Variants in LYST observed in about 807,000 individuals in gnomAD.
LYST encodes lysosomal-trafficking regulator.
LYST carries 192 observed loss-of-function variants against 413.6 expected under a neutral mutation model. That is an observed-to-expected ratio of 0.46 (90% CI 0.41 to 0.52). LYST has a LOEUF of 0.52. Ranked by LOEUF, LYST falls within the 20% of genes least tolerant of loss-of-function variation. LYST has a pLI of 0.00. For synonymous variants in LYST, 1,525 were observed against 1,567.3 expected, an observed-to-expected ratio of 0.97 and a Z score of 0.64; for missense variants, 3,815 against 4,499.9, an observed-to-expected ratio of 0.85 and a Z score of 4.35.
At chr1:235,817,271 G>T (rs946242395) in intron 3 of LYST, among the ~76,000 whole-genome samples, 1 of 152,104 alleles carries the variant, frequency 6.6e-6, no homozygotes, top group African/African-American at 2.4e-5. Context: ...ATACAACGCT[G>T]GTGGGAACGT....
At position 235,741,558 on chromosome 1, in the gene LYST, C is replaced by T. The variant is rs148018560; in HGVS notation, c.8222G>A (p.Arg2741Gln). Residue 2741 changes from arginine to glutamine, a missense_variant, in exon 31 of 53, where the codon CGA (arginine) becomes CAA (glutamine). Around this residue, in one of 4 missense-constraint regions of LYST, gnomAD observed 771 missense variants for 837.1 expected, o/e 0.92. Transcript: ENST00000389793. ...KILWSCKETF[R>Q]MQLGRLLVHI... ...CACTAGTAGTCTCCCAAGCTGCATT[C>T]GGAAGGTCTCCTTACAAGACCACAG... is the stretch of plus-strand genomic sequence containing the variant. 45 of 1,613,974 alleles carry T rather than the reference C, an allele frequency of 2.8e-5. No individual in the cohort carries two copies. Among genetic ancestry groups the T allele is most frequent in the East Asian group, 8.9e-5 (4 of 44,884 alleles).
chr1:235,667,697 C>T (rs999749714), intron 50 of LYST, among the ~76,000 whole-genome samples: 10 of 151,678 alleles, frequency 6.6e-5, no homozygotes, highest in African/African-American at 2.2e-4. Context: ...GATGGAGTCT[C>T]GCTCTGTTGC....
At chr1:235,693,106 G>A (rs369847228) in intron 47 of LYST, among the ~76,000 whole-genome samples, 3 of 152,062 alleles carry the variant, frequency 2.0e-5, no homozygotes, top group Non-Finnish European at 2.9e-5. Context: ...ACAAGGTCAG[G>A]AGATCGAGAC....
intron 19 of LYST, among the ~76,000 whole-genome samples, chr1:235,771,220 A>T (rs1435403710): frequency 1.3e-5 from 2 of 152,226 alleles, no homozygotes; most frequent in African/African-American, 4.8e-5. Context: ...CAAATCTGAA[A>T]AGTAGTACCA....
chr1:235,765,329 A>G (rs900255042), intron 21 of LYST, among the ~76,000 whole-genome samples: 1 of 152,134 alleles, frequency 6.6e-6, no homozygotes, highest in African/African-American at 2.4e-5. Context: ...AGATTCTGTT[A>G]TCCTGTCTCT....
rs766092229 is a variant in LYST at position 235,759,357 on chromosome 1, T to G, written c.6496A>C (p.Ser2166Arg). Residue 2166 changes from serine to arginine, a missense_variant, in exon 23 of 53, where the codon AGT becomes CGT. Transcript: ENST00000389793. ...ACAGTTTTTGCAGACTCACAGCTACTGATGAATGCGTCCTCTTTGCCTTTT... is the reference window on the plus strand; with the variant it reads ...ACAGTTTTTGCAGACTCACAGCTACGGATGAATGCGTCCTCTTTGCCTTTT... ...LKKGKEDAFISSCESAKTVCE... is the reference protein window; with the variant it reads ...LKKGKEDAFIRSCESAKTVCE... 3.7e-6 allele frequency: 6 copies of G among 1,614,232 alleles called. No homozygotes were observed. The highest frequency in any genetic ancestry group is 5.1e-6 in the Non-Finnish European group (6 of 1,180,020).
rs979465248 is a variant in LYST, at chr1:235,781,376, A to G, written c.5024-321T>C. On this transcript the variant is annotated intron_variant, in intron 15 of 52. Coordinates refer to ENST00000389793, the MANE Select transcript of LYST (RefSeq NM_000081.4). Reference sequence around the variant, plus strand: ...TTGTATTTTTTAAATAATGGGAGCTATATCTTGGTAAACTCCATTTCTAAC... The same window carrying G: ...TTGTATTTTTTAAATAATGGGAGCTGTATCTTGGTAAACTCCATTTCTAAC... Among the ~76,000 whole-genome samples, 6 of 152,258 alleles carry G rather than the reference A, an allele frequency of 3.9e-5. No individual in the cohort carries two copies. The South Asian group carries it at 1.2e-3, about 32-fold the overall frequency.
At chr1:235,714,223 T>C (rs186220471) in intron 42 of LYST, among the ~76,000 whole-genome samples, 1 of 152,216 alleles carries the variant, frequency 6.6e-6, no homozygotes, top group Non-Finnish European at 1.5e-5. Flanking sequence ...AGTACAAAAC[T>C]GTCCTATTTA....
At chr1:235,792,199 A>G in intron 11 of LYST, 74 bp from the exon 12 acceptor site, 1 of 957,126 alleles carries the variant, frequency 1.0e-6, no homozygotes, top group Non-Finnish European at 1.6e-6. Context: ...AATTTAGGTT[A>G]TAAATGAAAA....
At chr1:235,748,971 A>G (rs1443594576) in intron 28 of LYST, among the ~76,000 whole-genome samples, 1 of 151,768 alleles carries the variant, frequency 6.6e-6, no homozygotes, top group East Asian at 1.9e-4. Context: ...TCATCTCAGT[A>G]GTTTTCAACA....
At chr1:235,824,881 G>A (rs967865323) in intron 3 of LYST, among the ~76,000 whole-genome samples, 2 of 152,072 alleles carry the variant, frequency 1.3e-5, no homozygotes, top group African/African-American at 2.4e-5. Context: ...TTAGCCAGGT[G>A]CAGTGGCAGG....
intron 1 of LYST, among the ~76,000 whole-genome samples, chr1:235,842,009 C>A (rs1245179560): frequency 6.6e-6 from 1 of 152,032 alleles, no homozygotes; most frequent in Non-Finnish European, 1.5e-5. Flanking sequence ...CCATGAATTT[C>A]TGGTGGTATG....
At position 235,838,596 on chromosome 1, in the gene LYST, A is replaced by AT. The variant is rs904780332; in HGVS notation, c.-97-4930dup. On this transcript the variant is annotated intron_variant, in intron 1 of 52. Transcript: ENST00000389793. ...GTTTACAAAAATCTATGGAAGCTACATTTTTTTAAATTTTAGAACATTATT... is the reference window on the plus strand; with the variant it reads ...GTTTACAAAAATCTATGGAAGCTACATTTTTTTTAAATTTTAGAACATTATT... 3.9e-5 allele frequency among the ~76,000 whole-genome samples: 6 copies of AT among 152,320 alleles called. No individual in the cohort carries two copies. The South Asian group carries it at 6.2e-4, about 16-fold the overall frequency.
At chr1:235,765,310 AC>A (rs1479876679) in intron 21 of LYST, among the ~76,000 whole-genome samples, 1 of 152,110 alleles carries the variant, frequency 6.6e-6, no homozygotes, top group African/African-American at 2.4e-5. Context: ...TTCCACTGTT[AC>A]TATGCCCAGA....
chr1:235,833,402 C>T (rs1452632581), intron 2 of LYST, among the ~76,000 whole-genome samples, 176 bp downstream of exon 2: 1 of 152,032 alleles, frequency 6.6e-6, no homozygotes, highest in Non-Finnish European at 1.5e-5. Flanking sequence ...ATGTTCATTC[C>T]ATTAAACCAT....
intron 28 of LYST, among the ~76,000 whole-genome samples, chr1:235,749,784 A>C (rs1666293648): frequency 6.6e-6 from 1 of 152,216 alleles, no homozygotes; most frequent in Non-Finnish European, 1.5e-5. Flanking sequence ...TCAAACTAAA[A>C]AAAAATAATA....
chr1:235,773,474 A>C (rs1039094700), intron 19 of LYST, among the ~76,000 whole-genome samples: 4 of 152,234 alleles, frequency 2.6e-5, no homozygotes, highest in African/African-American at 4.8e-5. Flanking sequence ...TTCATTCTTA[A>C]AAAGGAAATT....
intron 3 of LYST, chr1:235,828,009 C>A (rs1202042312): frequency 2.4e-6 from 1 of 408,872 alleles, no homozygotes; most frequent in Admixed American, 6.4e-5. Flanking sequence ...GGCCAATAAG[C>A]AAATGAAAAA....
chr1:235,771,450 T>C (rs1020657567), intron 19 of LYST, among the ~76,000 whole-genome samples: 2 of 152,228 alleles, frequency 1.3e-5, no homozygotes, highest in African/African-American at 2.4e-5. Context: ...TTTGTCCAAC[T>C]TTGTCCAAGT....
Sources: allele counts gnomAD v4.1 joint callset (sites outside exome capture counted in the v4.1 genomes callset), GRCh38; gene constraint gnomAD v4.1.1; regional missense constraint gnomAD v4.1.1; transcripts MANE v1.5; gene names NCBI Gene and HGNC (gene_info 2026-07-23, HGNC 2026-07-21).